Variants in PTBP2 observed in about 807,000 individuals in gnomAD.
The protein encoded by PTBP2 is polypyrimidine tract binding protein 2.
PTBP2 carries 13 observed loss-of-function variants against 61.4 expected under a neutral mutation model. That is an observed-to-expected ratio of 0.21 (90% CI 0.14 to 0.34). The LOEUF (loss-of-function observed/expected upper bound fraction) is 0.34. Among genes scored for constraint, PTBP2 ranks in the 10% least tolerant of loss-of-function variants. The probability of loss-of-function intolerance (pLI) is 1.00; values close to 1 mark genes in which losing one functional copy is unlikely to be tolerated. For missense variants in PTBP2, 405 were observed against 642.6 expected, an observed-to-expected ratio of 0.63 and a Z score of 4.00; for synonymous variants, 215 against 218.5, an observed-to-expected ratio of 0.98 and a Z score of 0.14.
intron 2 of PTBP2, among the ~76,000 whole-genome samples, chr1:96,726,880 G>T (rs1650630366): frequency 6.6e-6 from 1 of 152,076 alleles, no homozygotes; most frequent in Non-Finnish European, 1.5e-5. Context: ...ACCGCGTCCG[G>T]CCCATATCTT....
chr1:96,752,262 A>G (rs79759438), intron 3 of PTBP2, among the ~76,000 whole-genome samples: 1,735 of 152,148 alleles, frequency 0.011, 37 homozygotes, highest in African/African-American at 0.04. Flanking sequence ...TCACAACTCC[A>G]CATTTTACAT....
chr1:96,780,712 CT>C (rs10718312), intron 7 of PTBP2, among the ~76,000 whole-genome samples: 87,821 of 151,682 alleles, frequency 0.58, 26,064 homozygotes, highest in African/African-American at 0.71. Flanking sequence ...CATTAAACCT[CT>C]TATGATTCAG....
At chr1:96,747,654 C>G (rs964397681) in intron 2 of PTBP2, among the ~76,000 whole-genome samples, 2 of 152,032 alleles carry the variant, frequency 1.3e-5, no homozygotes, top group Non-Finnish European at 2.9e-5. Context: ...AATATGGTGG[C>G]ATAAATAAAA....
chr1:96,790,902 G>A (rs914200155), intron 8 of PTBP2, among the ~76,000 whole-genome samples: 7 of 151,974 alleles, frequency 4.6e-5, no homozygotes, highest in Non-Finnish European at 8.8e-5. Context: ...TTAAAATTTA[G>A]AAATTTTTCT....
At chr1:96,815,461 A>C (rs949520629), downstream of PTBP2, 16 of 152,148 alleles carry the variant, frequency 1.1e-4, no homozygotes, top group African/African-American at 3.6e-4. Context: ...TGCATTTAAC[A>C]ACTGAGGATG....
chr1:96,725,125 G>A (rs575955531), intron 2 of PTBP2, among the ~76,000 whole-genome samples: 1 of 152,094 alleles, frequency 6.6e-6, no homozygotes, highest in Non-Finnish European at 1.5e-5. Context: ...GATGTTGTAG[G>A]TTCCATCCAA....
intron 7 of PTBP2, among the ~76,000 whole-genome samples, chr1:96,778,616 A>G (rs958614736): frequency 2.0e-5 from 3 of 152,044 alleles, no homozygotes; most frequent in Admixed American, 6.6e-5. Context: ...TTTGTGCCAT[A>G]GTATCTCATT....
intron 7 of PTBP2, among the ~76,000 whole-genome samples, chr1:96,778,556 A>G (rs1348418573): frequency 2.0e-5 from 3 of 152,076 alleles, no homozygotes; most frequent in East Asian, 1.9e-4. Context: ...AAGTACCTTA[A>G]TCTTCTGTTT....
At chr1:96,793,425 A>G (rs1157030093) in intron 8 of PTBP2, among the ~76,000 whole-genome samples, 1 of 151,972 alleles carries the variant, frequency 6.6e-6, no homozygotes. Flanking sequence ...GCTGGAGTGC[A>G]GTGGCGGGAT....
chr1:96,795,067 T>G (rs1233944792), intron 8 of PTBP2, among the ~76,000 whole-genome samples: 1 of 152,188 alleles, frequency 6.6e-6, no homozygotes, highest in Non-Finnish European at 1.5e-5. Flanking sequence ...TTTTAGATGT[T>G]TGGCTTTTTT....
chr1:96,730,503 A>G (rs1486073782), intron 2 of PTBP2, among the ~76,000 whole-genome samples: 3 of 152,112 alleles, frequency 2.0e-5, no homozygotes, highest in East Asian at 1.9e-4. Context: ...GGAGTTTTCC[A>G]TATATCTTTC....
intron 10 of PTBP2, 81 bp downstream of exon 10, chr1:96,806,533 G>T: frequency 7.0e-7 from 1 of 1,433,252 alleles, no homozygotes; most frequent in South Asian, 1.2e-5. Flanking sequence ...CTAGCACTTT[G>T]GCTTAAAGTT....
intron 5 of PTBP2, 90 bp downstream of exon 5, chr1:96,770,941 G>A: frequency 8.7e-7 from 1 of 1,152,062 alleles, no homozygotes; most frequent in Non-Finnish European, 1.2e-6. Flanking sequence ...TACCTGTTCA[G>A]ATGTTCCTTA....
chr1:96,821,711 C>T (rs958484895), exon 14 of PTBP2: 10 of 152,116 alleles, frequency 6.6e-5, no homozygotes, highest in African/African-American at 2.4e-4. Context: ...TCACTGCAAC[C>T]TCCACCTCTC....
chr1:96,762,438 CG>C (rs1467068137), intron 3 of PTBP2, among the ~76,000 whole-genome samples: 1 of 146,790 alleles, frequency 6.8e-6, no homozygotes, highest in Non-Finnish European at 1.5e-5. Flanking sequence ...GCTGGCCGGG[CG>C]GGGGGCTGAC....
intron 2 of PTBP2, among the ~76,000 whole-genome samples, chr1:96,729,773 G>T (rs1329843471): frequency 7.9e-6 from 1 of 126,998 alleles, no homozygotes; most frequent in African/African-American, 3.1e-5. Context: ...GCCTTGCTCT[G>T]TCGCCCGGGC....
chr1:96,729,829 C>T (rs1347464161), intron 2 of PTBP2, among the ~76,000 whole-genome samples: 2 of 151,146 alleles, frequency 1.3e-5, no homozygotes, highest in Non-Finnish European at 2.9e-5. Context: ...CTCCACGTCC[C>T]GGGTTCACGC....
intron 7 of PTBP2, among the ~76,000 whole-genome samples, chr1:96,784,648 A>G (rs904413672): frequency 8.0e-4 from 122 of 152,258 alleles, no homozygotes; most frequent in African/African-American, 2.8e-3. Flanking sequence ...CTAAAACTGT[A>G]CTGAATCATA....
chr1:96,730,789 C>T (rs1651290153), intron 2 of PTBP2, among the ~76,000 whole-genome samples: 1 of 152,308 alleles, frequency 6.6e-6, no homozygotes, highest in Non-Finnish European at 1.5e-5. Context: ...GCCTGCTTTC[C>T]TCATAGCTAT....
Sources: gnomAD v4.1 joint callset for allele counts (sites outside exome capture counted in the v4.1 genomes callset) on GRCh38, gnomAD v4.1.1 for gene constraint, MANE v1.5 for transcripts, NCBI Gene and HGNC (gene_info 2026-07-23, HGNC 2026-07-21) for gene names.